NMNAT3: variants seen among roughly 807,000 people sequenced by gnomAD.
NMNAT3 encodes nicotinamide nucleotide adenylyltransferase 3, also known as nicotinamide/nicotinic acid mononucleotide adenylyltransferase 3.
Under a neutral mutation model 24.8 loss-of-function variants are expected in NMNAT3, and 21 were observed. The observed-to-expected ratio is 0.85, with a 90% CI of 0.60 to 1.22. The LOEUF is 1.22. Among genes scored for constraint, NMNAT3 ranks in the 50% most tolerant of loss-of-function variants. The pLI is 0.00. For missense variants in NMNAT3, 387 were observed against 436.6 expected (o/e 0.89, Z 1.01); for synonymous variants, 136 against 155.2 (o/e 0.88, Z 0.92).
intron 3 of NMNAT3, among the ~76,000 whole-genome samples, chr3:139,592,314 C>T (rs909419082): frequency 4.1e-4 from 62 of 152,270 alleles, no homozygotes; most frequent in African/African-American, 1.5e-3. Context: ...AAATATGGGA[C>T]TATGTGAAAA....
At chr3:139,564,536 A>G (rs1371774345) in intron 6 of NMNAT3, among the ~76,000 whole-genome samples, 4 of 152,326 alleles carry the variant, frequency 2.6e-5, no homozygotes, top group South Asian at 2.1e-4. Flanking sequence ...GGCATCATCC[A>G]TCCCAAAGTG....
At chr3:139,665,409 C>T (rs1393983068) in intron 1 of NMNAT3, among the ~76,000 whole-genome samples, 1 of 152,102 alleles carries the variant, frequency 6.6e-6, no homozygotes, top group Non-Finnish European at 1.5e-5. Flanking sequence ...ACACAGAGGG[C>T]CCTGTGCTAG....
chr3:139,594,992 T>C (rs1254315912), intron 3 of NMNAT3, among the ~76,000 whole-genome samples: 1 of 152,034 alleles, frequency 6.6e-6, no homozygotes, highest in African/African-American at 2.4e-5. Flanking sequence ...AAATAAAGGG[T>C]ATTCAATTAG....
intron 6 of NMNAT3, chr3:139,566,596 C>T (rs1937260874): frequency 6.6e-6 from 1 of 152,010 alleles, no homozygotes; most frequent in Non-Finnish European, 1.5e-5. Flanking sequence ...GCCAGTTTTC[C>T]CAGCACCATT....
intron 3 of NMNAT3, among the ~76,000 whole-genome samples, chr3:139,597,019 T>C (rs990686957): frequency 1.3e-5 from 2 of 148,910 alleles, no homozygotes; most frequent in Non-Finnish European, 3.0e-5. Flanking sequence ...CTTTGATTGG[T>C]TTATTTTGAA....
rs376604822 is a variant in NMNAT3 at position 139,672,294 on chromosome 3, G to A, written c.-141+5411C>T. Among the ~76,000 whole-genome samples the A allele has an allele frequency of 1.6e-4, 24 of 152,260 alleles. 1 individual carries two copies. In the South Asian group the frequency reaches 3.1e-3, roughly 20 times the overall value. On this transcript the variant is annotated intron_variant, in intron 1 of 6. Transcript: ENST00000643695. ...TAAGAGAAAGCAAAGAAAGGGGGGC[G>A]TACTGATGGAAGGGGGAAGGCAGGA...
At chr3:139,629,363 G>A (rs754389495) in intron 2 of NMNAT3, among the ~76,000 whole-genome samples, 20 of 152,178 alleles carry the variant, frequency 1.3e-4, no homozygotes, top group Admixed American at 6.5e-4. Flanking sequence ...TTGCAGCCCT[G>A]CGAACACTGA....
intron 3 of NMNAT3, among the ~76,000 whole-genome samples, chr3:139,609,334 C>A (rs566937605): frequency 3.9e-5 from 6 of 152,292 alleles, no homozygotes; most frequent in Admixed American, 3.3e-4. Flanking sequence ...AGTGGCTGTG[C>A]CATTTTAAAT....
At chr3:139,604,440 G>A (rs1694513403) in intron 3 of NMNAT3, among the ~76,000 whole-genome samples, 1 of 152,054 alleles carries the variant, frequency 6.6e-6, no homozygotes, top group South Asian at 2.1e-4. Context: ...AATAAAGAGT[G>A]GCATATATGA....
intron 3 of NMNAT3, among the ~76,000 whole-genome samples, chr3:139,596,944 A>T (rs893311170): frequency 4.5e-5 from 5 of 111,980 alleles, no homozygotes; most frequent in African/African-American, 2.3e-4. Flanking sequence ...ATATATATAT[A>T]TATATATATA....
chr3:139,668,899 G>A (rs904285104), intron 1 of NMNAT3, among the ~76,000 whole-genome samples: 3 of 152,152 alleles, frequency 2.0e-5, no homozygotes, highest in Non-Finnish European at 2.9e-5. Context: ...TAACTTAAAG[G>A]GAAATGACTT....
At chr3:139,636,373 A>G (rs953252558) in intron 2 of NMNAT3, 3 of 152,154 alleles carry the variant, frequency 2.0e-5, no homozygotes, top group African/African-American at 7.2e-5. Flanking sequence ...TGTTATATGA[A>G]TTTTTCATGG....
At chr3:139,645,491 A>AT (rs1222178378) in intron 1 of NMNAT3, among the ~76,000 whole-genome samples, 2 of 151,968 alleles carry the variant, frequency 1.3e-5, no homozygotes, top group Non-Finnish European at 2.9e-5. Context: ...ATCCCTCTAG[A>AT]TTTTTTTCTC....
chr3:139,564,082 C>T (rs1204823519), intron 6 of NMNAT3, among the ~76,000 whole-genome samples: 7 of 152,210 alleles, frequency 4.6e-5, no homozygotes, highest in African/African-American at 1.7e-4. Context: ...CTGGGTTCAA[C>T]TTTAAATCTG....
chr3:139,593,825 A>G (rs1361722978), intron 3 of NMNAT3, among the ~76,000 whole-genome samples: 1 of 147,912 alleles, frequency 6.8e-6, no homozygotes, highest in Admixed American at 6.8e-5. Context: ...TGTAGAGGGA[A>G]ATTTATAGCA....
At chr3:139,588,167 G>A (rs2054017700) in intron 3 of NMNAT3, among the ~76,000 whole-genome samples, 1 of 152,062 alleles carries the variant, frequency 6.6e-6, no homozygotes, top group Non-Finnish European at 1.5e-5. Context: ...TCCCCCACTA[G>A]ATGCAGATAC....
chr3:139,661,920 C>G, intron 1 of NMNAT3, among the ~76,000 whole-genome samples: 1 of 152,118 alleles, frequency 6.6e-6, no homozygotes, highest in Non-Finnish European at 1.5e-5. Context: ...AACAAAAATT[C>G]CTTGATATCA....
At chr3:139,657,809 T>G (rs2057293505) in intron 1 of NMNAT3, among the ~76,000 whole-genome samples, 1 of 147,772 alleles carries the variant, frequency 6.8e-6, no homozygotes, top group Non-Finnish European at 1.5e-5. Flanking sequence ...TTGTTGGGGG[T>G]TTTGCTGTGG....
At chr3:139,607,642 T>C (rs7639753) in intron 3 of NMNAT3, among the ~76,000 whole-genome samples, 67,317 of 137,914 alleles carry the variant, frequency 0.49, 14,918 homozygotes, top group Admixed American at 0.59. Flanking sequence ...TGCCTCCTGA[T>C]TGGCTTTCAT....
Sources: allele counts gnomAD v4.1 joint callset (sites outside exome capture counted in the v4.1 genomes callset), GRCh38; gene constraint gnomAD v4.1.1; transcripts MANE v1.5; gene names NCBI Gene and HGNC (gene_info 2026-07-23, HGNC 2026-07-21).